SLCO5A1: variants seen among roughly 807,000 people sequenced by gnomAD.
SLCO5A1 encodes the protein solute carrier organic anion transporter family member 5A1.
In SLCO5A1, 39 loss-of-function variants were observed where a neutral mutation model predicts 65.1. The ratio of observed to expected loss-of-function variants is 0.60; its 90% CI spans 0.46 to 0.78. The LOEUF is 0.78. Among genes scored for constraint, SLCO5A1 ranks in the 30% least tolerant of loss-of-function variants. SLCO5A1 has a pLI of 0.00. For synonymous variants in SLCO5A1, 438 were observed against 415.7 expected, an observed-to-expected ratio of 1.05 and a Z score of -0.65; for missense variants, 1,029 against 1,069.4, an observed-to-expected ratio of 0.96 and a Z score of 0.53.
chr8:69,807,757 G>T (rs1412321218), intron 2 of SLCO5A1, among the ~76,000 whole-genome samples: 2 of 152,170 alleles, frequency 1.3e-5, no homozygotes, highest in African/African-American at 4.8e-5. Flanking sequence ...CCAGGCTGGA[G>T]CAGTGGTGCG....
chr8:69,713,170 T>A (rs551420885), intron 5 of SLCO5A1, among the ~76,000 whole-genome samples: 1 of 152,336 alleles, frequency 6.6e-6, no homozygotes, highest in South Asian at 2.1e-4. Context: ...CATGGTGACT[T>A]AAATTAATAA....
intron 6 of SLCO5A1, among the ~76,000 whole-genome samples, chr8:69,688,627 G>A (rs1056042334): frequency 1.3e-5 from 2 of 151,924 alleles, no homozygotes; most frequent in Admixed American, 6.6e-5. Context: ...TGAGAATGAT[G>A]ATTTCCAATT....
At chr8:69,721,751 A>T (rs754076039) in intron 5 of SLCO5A1, among the ~76,000 whole-genome samples, 2 of 152,238 alleles carry the variant, frequency 1.3e-5, no homozygotes, top group Non-Finnish European at 2.9e-5. Context: ...AGAAAGGAAG[A>T]TATTTTAGAC....
chr8:69,832,248 C>A lies in SLCO5A1; in HGVS notation c.426G>T (p.Ala142=), dbSNP rs753714561. ...TGCTCAGGTACCCAGAGACCATTAACGCCTGGATGAAGGTCAGAAAGCACA... is the reference window on the plus strand; with the variant it reads ...TGCTCAGGTACCCAGAGACCATTAAAGCCTGGATGAAGGTCAGAAAGCACA... ...VCMCFLTFIQ[A]LMVSGYLSSV... The change falls in exon 2 of 10, where the codon GCG becomes GCT. Residue 142 remains alanine, a synonymous_variant. Transcript: ENST00000260126. The surrounding 1 kb of genome is among the most constrained non-coding windows in gnomAD (Gnocchi z 4.5). The A allele has an allele frequency of 3.1e-6, 5 of 1,614,050 alleles. No individual in the cohort carries two copies. In the African/African-American group the frequency reaches 6.7e-5, roughly 22 times the overall value.
At chr8:69,750,419 CA>C (rs1268957416) in intron 4 of SLCO5A1, among the ~76,000 whole-genome samples, 1 of 152,094 alleles carries the variant, frequency 6.6e-6, no homozygotes, top group Non-Finnish European at 1.5e-5. Context: ...AACACCGACT[CA>C]AACCTCCCCA....
At chr8:69,809,258 T>G (rs1820127940) in intron 2 of SLCO5A1, among the ~76,000 whole-genome samples, 1 of 152,212 alleles carries the variant, frequency 6.6e-6, no homozygotes, top group Non-Finnish European at 1.5e-5. Context: ...AGGTTCAAAA[T>G]TGAACCAGCA....
chr8:69,769,760 G>A (rs954149523), intron 2 of SLCO5A1, among the ~76,000 whole-genome samples: 2 of 152,046 alleles, frequency 1.3e-5, no homozygotes, highest in African/African-American at 4.8e-5. Flanking sequence ...AGAACATCTG[G>A]CCTTTCTTTC....
At chr8:69,787,006 A>C (rs1390379404) in intron 2 of SLCO5A1, among the ~76,000 whole-genome samples, 1 of 152,202 alleles carries the variant, frequency 6.6e-6, no homozygotes, top group Non-Finnish European at 1.5e-5. Flanking sequence ...AAGGCAAGGA[A>C]ACCTGTTTGT....
chr8:69,706,047 A>G (rs1369461494), intron 5 of SLCO5A1, among the ~76,000 whole-genome samples: 1 of 152,246 alleles, frequency 6.6e-6, no homozygotes, highest in African/African-American at 2.4e-5. Context: ...TCCATTAATA[A>G]ATATATCATA....
intron 2 of SLCO5A1, among the ~76,000 whole-genome samples, chr8:69,819,943 G>T (rs1820566117): frequency 1.3e-5 from 2 of 152,080 alleles, no homozygotes; most frequent in African/African-American, 4.8e-5. Context: ...AGCCTGGGTG[G>T]CAGAGCAAGA....
At chr8:69,781,568 C>T (rs1818794456) in intron 2 of SLCO5A1, among the ~76,000 whole-genome samples, 1 of 152,038 alleles carries the variant, frequency 6.6e-6, no homozygotes, top group Non-Finnish European at 1.5e-5. Context: ...TGTGCTAAGG[C>T]CTTTATATGT....
intron 5 of SLCO5A1, among the ~76,000 whole-genome samples, chr8:69,707,303 G>A (rs2130812370): frequency 6.6e-6 from 1 of 152,252 alleles, no homozygotes; most frequent in East Asian, 1.9e-4. Context: ...AAATCTGGGA[G>A]GGTTTTACAC....
At position 69,716,098 on chromosome 8, in the gene SLCO5A1, C is replaced by T. The variant is rs867830464; in HGVS notation, c.1424-10869G>A. Among the ~76,000 whole-genome samples the T allele has an allele frequency of 4.6e-5, 7 of 152,242 alleles. 1 individual carries two copies. The South Asian group carries it at 1.5e-3, about 32-fold the overall frequency. On this transcript the variant is annotated intron_variant, in intron 5 of 9. Transcript: ENST00000260126. Reference sequence around the variant, plus strand: ...GTCATACAATATGTGTGCCTGGCTTCTGTCACTTAGTATGTTTTCAAGGTT... The same window carrying T: ...GTCATACAATATGTGTGCCTGGCTTTTGTCACTTAGTATGTTTTCAAGGTT...
intron 2 of SLCO5A1, among the ~76,000 whole-genome samples, chr8:69,796,230 C>T (rs1477702368): frequency 6.6e-6 from 1 of 152,006 alleles, no homozygotes; most frequent in Non-Finnish European, 1.5e-5. Flanking sequence ...TGAATTCCTC[C>T]CTAGAAAATG....
intron 9 of SLCO5A1, among the ~76,000 whole-genome samples, chr8:69,675,469 C>G (rs904214833): frequency 3.9e-5 from 6 of 152,242 alleles, no homozygotes; most frequent in African/African-American, 1.4e-4. Flanking sequence ...AGCCACTGCA[C>G]CCGGCCTAAG....
intron 5 of SLCO5A1, among the ~76,000 whole-genome samples, chr8:69,710,105 G>T (rs1815167718): frequency 7.0e-6 from 1 of 141,890 alleles, no homozygotes; most frequent in Admixed American, 7.5e-5. Context: ...AGAAACCTCC[G>T]CCTCCCAGGT....
At chr8:69,733,376 G>A (rs1243500932) in intron 5 of SLCO5A1, among the ~76,000 whole-genome samples, 1 of 152,144 alleles carries the variant, frequency 6.6e-6, no homozygotes, top group Non-Finnish European at 1.5e-5. Context: ...CATAGAGAGA[G>A]ACAGGGGAGA....
chr8:69,696,386 T>C (rs1267438183), intron 6 of SLCO5A1, among the ~76,000 whole-genome samples: 1 of 152,144 alleles, frequency 6.6e-6, no homozygotes, highest in Non-Finnish European at 1.5e-5. Flanking sequence ...TCTCCATGGG[T>C]TCTGAGCTCA....
intron 6 of SLCO5A1, among the ~76,000 whole-genome samples, chr8:69,685,565 C>T (rs949208973): frequency 6.6e-6 from 1 of 152,168 alleles, no homozygotes; most frequent in Non-Finnish European, 1.5e-5. Flanking sequence ...GAGTGAGGCA[C>T]GGGGCCTCGA....
Sources: allele counts gnomAD v4.1 joint callset (sites outside exome capture counted in the v4.1 genomes callset), GRCh38; gene constraint gnomAD v4.1.1; non-coding constraint Gnocchi (gnomAD v3.1); transcripts MANE v1.5; gene names NCBI Gene and HGNC (gene_info 2026-07-23, HGNC 2026-07-21).